The following DLGAP5 variants were observed in gnomAD, a reference collection of about 807,000 sequenced individuals.
DLGAP5 encodes DLG associated protein 5, also known as disks large-associated protein 5.
Under a neutral mutation model 99.6 loss-of-function variants are expected in DLGAP5, and 90 were observed. The observed-to-expected ratio is 0.90, with a 90% CI of 0.76 to 1.08. The LOEUF (loss-of-function observed/expected upper bound fraction) is 1.08, where lower values mean the gene tolerates loss of function less well. Ranked by LOEUF, DLGAP5 falls within the 50% of genes least tolerant of loss-of-function variation. DLGAP5 has a pLI of 0.00. For synonymous variants in DLGAP5, 311 were observed against 321.3 expected (o/e 0.97, Z 0.34); for missense variants, 1,036 against 983.5 (o/e 1.05, Z -0.71).
intron 6 of DLGAP5, 36 bp from the exon 7 acceptor site, chr14:55,179,735 G>T: frequency 6.5e-7 from 1 of 1,529,726 alleles, no homozygotes; most frequent in South Asian, 1.2e-5. Flanking sequence ...TTACTAGATA[G>T]AAATGCTACA....
chr14:55,157,751 C>T (rs116319926), intron 14 of DLGAP5, among the ~76,000 whole-genome samples: 1,701 of 152,180 alleles, frequency 0.011, 33 homozygotes, highest in African/African-American at 0.039. Flanking sequence ...AAACCAAATC[C>T]ACTTTGCATA....
intron 10 of DLGAP5, among the ~76,000 whole-genome samples, chr14:55,173,900 C>T (rs559818751): frequency 4.6e-5 from 7 of 152,026 alleles, no homozygotes; most frequent in Non-Finnish European, 8.8e-5. Context: ...ACCTCAGGAC[C>T]CTGTAATAAC....
intron 7 of DLGAP5, among the ~76,000 whole-genome samples, chr14:55,177,803 C>T (rs1167309188): frequency 6.6e-6 from 1 of 151,708 alleles, no homozygotes; most frequent in Non-Finnish European, 1.5e-5. Context: ...TCCCAAAGTG[C>T]TGGGATTACA....
At chr14:55,159,111 TA>T (rs1483027274) in intron 13 of DLGAP5, among the ~76,000 whole-genome samples, 2 of 89,254 alleles carry the variant, frequency 2.2e-5, no homozygotes, top group Admixed American at 1.1e-4. Flanking sequence ...TAAAAGAAAA[TA>T]AATAAGGATG....
In DLGAP5 at chr14:55,151,713, T is replaced by C. The variant is rs866588854; in HGVS notation, c.2350A>G (p.Thr784Ala). 2.8e-5 allele frequency: 45 copies of C among 1,613,012 alleles called. 2 individuals carry two copies. In the Middle Eastern group the frequency reaches 5.6e-3, roughly 202 times the overall value. ...SQNSILEEGETKISQSELFDN... is the reference protein window; with the variant it reads ...SQNSILEEGEAKISQSELFDN... ...ATCTCACCTGACTGAGAAATTTTAG[T>C]TTCCCCTTCTTCTAAGATGCTATTT... The change falls in exon 17 of 19, where the codon ACT becomes GCT. Residue 784 changes from threonine (T) to alanine (A), a missense_variant. Thr to Ala is a moderately conservative substitution (Grantham distance 58). Coordinates refer to ENST00000247191, the MANE Select transcript of DLGAP5 (RefSeq NM_014750.5).
intron 4 of DLGAP5, 151 bp from the exon 5 acceptor site, chr14:55,181,448 A>G (rs1427322340): frequency 1.6e-6 from 1 of 615,612 alleles, no homozygotes; most frequent in Non-Finnish European, 2.7e-6. Context: ...AAAATGAGAT[A>G]AAGAAAAGCT....
In DLGAP5 at chr14:55,179,510, GTT is replaced by G. The variant is rs370771510; in HGVS notation, c.774+117_774+118del. ...TTGATGCTTTCTTATGGTTCAGGAA[GTT>G]TTAACACACATGTAGGTTAACCTTT... On this transcript the variant is annotated intron_variant, in intron 7 of 18. Transcript: ENST00000247191. 2.6e-5 allele frequency: 19 copies of G among 721,660 alleles called. No individual in the cohort carries two copies. The South Asian group carries it at 4.3e-4, about 16-fold the overall frequency. 44.7% of individuals were successfully genotyped at this position (721,660 alleles called of 1,614,324 possible). A position where few individuals can be genotyped will look rare whatever the true frequency, so the allele number is the denominator to read the frequency against.
At chr14:55,176,132 T>A in intron 8 of DLGAP5, 114 bp from the exon 9 acceptor site, 1 of 956,350 alleles carries the variant, frequency 1.0e-6, no homozygotes, top group Non-Finnish European at 1.5e-6. Context: ...ATGTTTCTAT[T>A]TTTTTAAAAT....
intron 4 of DLGAP5, 145 bp from the exon 5 acceptor site, chr14:55,181,442 T>C (rs954759904): frequency 1.6e-6 from 1 of 618,318 alleles, no homozygotes; most frequent in Non-Finnish European, 2.7e-6. Flanking sequence ...CCAAATAAAA[T>C]GAGATAAAGA....
Position 55,180,661 on chromosome 14 carries a change from G to A in DLGAP5, c.698C>T (p.Ala233Val). The change falls in exon 6 of 19, where the codon GCT (alanine) becomes GTT (valine). Residue 233 changes from alanine (A) to valine (V), a missense_variant. Ala to Val is a moderately conservative substitution (Grantham distance 64). Coordinates refer to ENST00000247191, the MANE Select transcript of DLGAP5 (RefSeq NM_014750.5). ...GATCAAGGAATAGTTCTCACCATTA[G>A]CAGCTCTTGTGACTGGCTTTCTTGC... Reference protein sequence around the residue: ...TTARKPVTRAANENEPEGKVP... With the variant: ...TTARKPVTRAVNENEPEGKVP... 6.2e-7 allele frequency: 1 copy of A among 1,614,156 alleles called. No individual in the cohort carries two copies. The highest frequency in any genetic ancestry group is 8.5e-7 in the Non-Finnish European group (1 of 1,180,008).
At chr14:55,149,234 A>G (rs187287271) in intron 18 of DLGAP5, among the ~76,000 whole-genome samples, 5 of 152,230 alleles carry the variant, frequency 3.3e-5, no homozygotes, top group African/African-American at 1.2e-4. Context: ...AACAACATAC[A>G]TTCTCAGAAT....
chr14:55,169,342 TAA>T (rs61278586), intron 12 of DLGAP5, 55 bp downstream of exon 12: 69,780 of 849,444 alleles, frequency 0.082, 1,210 homozygotes, highest in African/African-American at 0.25. Flanking sequence ...TCCTGCTACT[TAA>T]AAAAAAAAAA....
chr14:55,181,104 GACTCT>G, intron 5 of DLGAP5, 104 bp downstream of exon 5: 1 of 1,074,862 alleles, frequency 9.3e-7, no homozygotes, highest in South Asian at 1.5e-5. Context: ...AACAGAGCAA[GACTCT>G]GTCACAAACA....
chr14:55,173,607 A>C (rs566550164), intron 10 of DLGAP5, among the ~76,000 whole-genome samples: 90 of 125,544 alleles, frequency 7.2e-4, no homozygotes, highest in African/African-American at 1.5e-3. Flanking sequence ...CTCTCTCTAT[A>C]TATATATATA....
chr14:55,162,193 T>C (rs932112432), intron 13 of DLGAP5, among the ~76,000 whole-genome samples: 1 of 152,202 alleles, frequency 6.6e-6, no homozygotes, highest in Non-Finnish European at 1.5e-5. Context: ...AATAACAGCA[T>C]CCATTTCATA....
chr14:55,166,954 C>T (rs1882665333), intron 12 of DLGAP5, among the ~76,000 whole-genome samples: 2 of 151,274 alleles, frequency 1.3e-5, no homozygotes, highest in African/African-American at 2.4e-5. Flanking sequence ...AAATGAGCAT[C>T]AGTCAAGATA....
chr14:55,167,733 T>A (rs1384728268), intron 12 of DLGAP5, among the ~76,000 whole-genome samples: 1 of 152,178 alleles, frequency 6.6e-6, no homozygotes, highest in East Asian at 1.9e-4. Flanking sequence ...ATTGGTTCGG[T>A]ATAGAAATCC....
chr14:55,168,002 C>CT (rs1882706297), intron 12 of DLGAP5, among the ~76,000 whole-genome samples: 1 of 151,880 alleles, frequency 6.6e-6, no homozygotes, highest in Admixed American at 6.6e-5. Flanking sequence ...TTTTTCTGTT[C>CT]TCTTTTTCTG....
chr14:55,163,047 T>G lies in DLGAP5; in HGVS notation c.1577A>C (p.Asn526Thr). The change falls in exon 13 of 19, where the codon AAT becomes ACT. Residue 526 changes from asparagine to threonine, a missense_variant. Coordinates refer to ENST00000247191, the MANE Select transcript of DLGAP5 (RefSeq NM_014750.5). ...CCCAGATTCCTCAAGTTTGATCAGA[T>G]TGTTGAATTTGTGGATTACATCTTC... ...QIEDVIHKFN[N>T]LIKLEESGWQ... The G allele has an allele frequency of 6.2e-7, 1 of 1,600,042 alleles. No homozygotes were observed. Among genetic ancestry groups the G allele is most frequent in the Non-Finnish European group, 8.5e-7 (1 of 1,173,166 alleles).
Sources: gnomAD v4.1 joint callset for allele counts (sites outside exome capture counted in the v4.1 genomes callset) on GRCh38, gnomAD v4.1.1 for gene constraint, MANE v1.5 for transcripts, NCBI Gene and HGNC (gene_info 2026-07-23, HGNC 2026-07-21) for gene names.